Variants in ADAMTSL1 observed in about 807,000 individuals in gnomAD.
ADAMTSL1 encodes ADAMTS-like protein 1.
In ADAMTSL1, 126 loss-of-function variants were observed where a neutral mutation model predicts 201.8. The ratio of observed to expected loss-of-function variants is 0.62; its 90% CI spans 0.54 to 0.72. ADAMTSL1 has a LOEUF of 0.72. Ranked by LOEUF, ADAMTSL1 falls within the 30% of genes least tolerant of loss-of-function variation. The probability of loss-of-function intolerance (pLI) is 0.00; values close to 1 mark genes in which losing one functional copy is unlikely to be tolerated. For synonymous variants in ADAMTSL1, 1,121 were observed against 903.4 expected (o/e 1.24, Z -4.32); for missense variants, 2,679 against 2,277.8 (o/e 1.18, Z -3.59).
intron 1 of ADAMTSL1, among the ~76,000 whole-genome samples, chr9:18,062,068 G>A (rs989637742): frequency 3.3e-5 from 5 of 152,162 alleles, no homozygotes; most frequent in African/African-American, 2.4e-5. Context: ...GTTTAGGGGT[G>A]CATTCTTGCT....
At chr9:17,971,621 C>A (rs562980413) in intron 1 of ADAMTSL1, among the ~76,000 whole-genome samples, 1 of 151,952 alleles carries the variant, frequency 6.6e-6, no homozygotes, top group East Asian at 1.9e-4. Flanking sequence ...TCCATGTCAA[C>A]AGCTGTTATA....
intron 1 of ADAMTSL1, among the ~76,000 whole-genome samples, chr9:18,484,924 T>A (rs1421198836): frequency 6.6e-6 from 1 of 152,226 alleles, no homozygotes; most frequent in Non-Finnish European, 1.5e-5. Flanking sequence ...GTTTCTAATT[T>A]TTTGTATTGT....
chr9:17,965,886 C>A (rs1006191931), intron 1 of ADAMTSL1, among the ~76,000 whole-genome samples: 1 of 152,164 alleles, frequency 6.6e-6, no homozygotes, highest in South Asian at 2.1e-4. Context: ...TAAAGCCAGG[C>A]AGCTTTTTTG....
chr9:18,893,159 C>T (rs964682095), intron 26 of ADAMTSL1, among the ~76,000 whole-genome samples: 1 of 152,038 alleles, frequency 6.6e-6, no homozygotes, highest in Non-Finnish European at 1.5e-5. Flanking sequence ...CAGGCATGAG[C>T]TCCCTTTGCC....
At chr9:18,885,610 A>C (rs1396297733) in intron 23 of ADAMTSL1, among the ~76,000 whole-genome samples, 1 of 152,170 alleles carries the variant, frequency 6.6e-6, no homozygotes, top group Non-Finnish European at 1.5e-5. Flanking sequence ...CGGATACATG[A>C]AGGAGTGAAG....
chr9:18,298,113 T>C (rs958430557), intron 2 of ADAMTSL1, among the ~76,000 whole-genome samples: 1 of 152,162 alleles, frequency 6.6e-6, no homozygotes, highest in Non-Finnish European at 1.5e-5. Flanking sequence ...CTAGGACGTA[T>C]TCCCGGAAAA....
chr9:18,593,979 C>T (rs991705813), intron 4 of ADAMTSL1, among the ~76,000 whole-genome samples: 5 of 151,808 alleles, frequency 3.3e-5, no homozygotes, highest in Non-Finnish European at 5.9e-5. Context: ...TTCTTTTTAC[C>T]ATTTCTTGTA....
intron 26 of ADAMTSL1, among the ~76,000 whole-genome samples, chr9:18,897,746 GAA>G (rs1447893047): frequency 1.3e-5 from 2 of 152,200 alleles, no homozygotes; most frequent in African/African-American, 4.8e-5. Context: ...ACAAAGATGA[GAA>G]AGAATTAACA....
intron 1 of ADAMTSL1, among the ~76,000 whole-genome samples, chr9:17,927,072 C>G (rs531153646): frequency 6.6e-6 from 1 of 152,268 alleles, no homozygotes; most frequent in East Asian, 1.9e-4. Flanking sequence ...TTTTCTTCCC[C>G]TATCCCCTGG....
At chr9:18,411,648 C>T (rs770745877) in intron 2 of ADAMTSL1, among the ~76,000 whole-genome samples, 4 of 152,166 alleles carry the variant, frequency 2.6e-5, no homozygotes, top group African/African-American at 7.2e-5. Context: ...TGTTATCACC[C>T]AGCCTTAAAA....
chr9:18,326,024 G>A (rs1346348773), intron 2 of ADAMTSL1, among the ~76,000 whole-genome samples: 1 of 152,166 alleles, frequency 6.6e-6, no homozygotes, highest in African/African-American at 2.4e-5. Flanking sequence ...TTACAGGTGT[G>A]AGCCACCATG....
intron 20 of ADAMTSL1, among the ~76,000 whole-genome samples, chr9:18,803,806 T>C (rs1822943755): frequency 6.6e-6 from 1 of 152,210 alleles, no homozygotes; most frequent in Non-Finnish European, 1.5e-5. Flanking sequence ...TATTTCATTT[T>C]CTATATTATC....
Position 18,910,433 on chromosome 9 carries a change from A to AACTC in ADAMTSL1, c.*1887_*1890dup, listed in dbSNP as rs1830540305. On this transcript the variant is annotated 3_prime_UTR_variant, in exon 29 of 29. Coordinates refer to ENST00000380548, the MANE Select transcript of ADAMTSL1 (RefSeq NM_001040272.6). Reference sequence around the variant, plus strand: ...AACTTCCTGCAGTTGTGTTCCTGTAAACTCAGTAGTGATTATTATATTTTT... The same window carrying AACTC: ...AACTTCCTGCAGTTGTGTTCCTGTAAACTCACTCAGTAGTGATTATTATATTTTT... The AACTC allele has an allele frequency of 6.6e-6, 1 of 152,172 alleles. No individual in the cohort carries two copies. The highest frequency in any genetic ancestry group is 6.5e-5 in the Admixed American group (1 of 15,274). 9.4% of individuals were successfully genotyped at this position (152,172 alleles called of 1,614,324 possible). A position where few individuals can be genotyped will look rare whatever the true frequency, so the allele number is the denominator to read the frequency against.
intron 2 of ADAMTSL1, among the ~76,000 whole-genome samples, chr9:18,239,380 A>C (rs534451571): frequency 6.6e-6 from 1 of 152,348 alleles, no homozygotes; most frequent in East Asian, 1.9e-4. Context: ...AAATATTTTA[A>C]GTAATTTGTT....
At position 17,918,624 on chromosome 9, in the gene ADAMTSL1, A is replaced by AT. The variant is rs987920294; in HGVS notation, c.87+11711dup. Among the ~76,000 whole-genome samples the AT allele has an allele frequency of 8.0e-5, 12 of 149,934 alleles. No homozygotes were observed. In the South Asian group the frequency reaches 1.3e-3, roughly 16 times the overall value. ...AAACTTTCTACAAATTTGTGCCTCT[A>AT]TTTTTTTTTCCCGATCAGTTTTGCT... On this transcript the variant is annotated intron_variant, in intron 1 of 29. Transcript: ENST00000680146.
At chr9:18,161,519 C>CA in intron 1 of ADAMTSL1, among the ~76,000 whole-genome samples, 1 of 152,116 alleles carries the variant, frequency 6.6e-6, no homozygotes, top group Non-Finnish European at 1.5e-5. Context: ...TTAGTCCTTT[C>CA]AAAAAACACC....
intron 23 of ADAMTSL1, among the ~76,000 whole-genome samples, chr9:18,861,035 A>G (rs1827182935): frequency 6.6e-6 from 1 of 152,100 alleles, no homozygotes; most frequent in Admixed American, 6.6e-5. Context: ...CAGAGATCAT[A>G]TACACATCCC....
At chr9:18,596,355 G>C (rs1299170231) in intron 4 of ADAMTSL1, among the ~76,000 whole-genome samples, 1 of 152,160 alleles carries the variant, frequency 6.6e-6, no homozygotes, top group East Asian at 1.9e-4. Context: ...TTGAAGTCCA[G>C]CTTCTGATCT....
chr9:18,507,680 C>T (rs368519312), intron 2 of ADAMTSL1, among the ~76,000 whole-genome samples: 73 of 152,174 alleles, frequency 4.8e-4, no homozygotes, highest in Middle Eastern at 3.4e-3. Flanking sequence ...TTGCATTTTT[C>T]AAAACAAGGC....
Sources: gnomAD v4.1 joint callset for allele counts (sites outside exome capture counted in the v4.1 genomes callset) on GRCh38, gnomAD v4.1.1 for gene constraint, MANE v1.5 for transcripts, NCBI Gene and HGNC (gene_info 2026-07-23, HGNC 2026-07-21) for gene names.